Variants in TRAIP observed in about 807,000 individuals in gnomAD.
TRAIP encodes the protein E3 ubiquitin-protein ligase TRAIP.
A neutral mutation model predicts 65.0 loss-of-function variants in TRAIP; 37 were observed. The observed-to-expected ratio is 0.57, with a 90% CI of 0.44 to 0.75. The LOEUF is 0.75. TRAIP is among the 30% of genes least tolerant of loss of function. The probability of loss-of-function intolerance (pLI) is 0.00; values close to 1 mark genes in which losing one functional copy is unlikely to be tolerated. For synonymous variants in TRAIP, 187 were observed against 219.1 expected, an observed-to-expected ratio of 0.85 and a Z score of 1.29; for missense variants, 481 against 579.4, an observed-to-expected ratio of 0.83 and a Z score of 1.74.
At chr3:49,839,020 C>T (rs887838207) in intron 10 of TRAIP, among the ~76,000 whole-genome samples, 1 of 150,868 alleles carries the variant, frequency 6.6e-6, no homozygotes, top group African/African-American at 2.4e-5. Context: ...GAAACCCCGT[C>T]TCTACTAAAA....
At position 49,842,330 on chromosome 3, in the gene TRAIP, T is replaced by C. The variant is rs149212560; in HGVS notation, c.503+123A>G. On this transcript the variant is annotated intron_variant, in intron 6 of 14. Coordinates refer to ENST00000331456, the MANE Select transcript of TRAIP (RefSeq NM_005879.3). ...ACACCCAGCTGACCTGAGCCCTCCA[T>C]GGCCTATGGAGATTTGAGCCTCGGA... 914 of 929,918 alleles carry C rather than the reference T, an allele frequency of 9.8e-4. 2 individuals are homozygous for C. Among genetic ancestry groups the C allele is most frequent in the Non-Finnish European group, 1.4e-3 (832 of 589,622 alleles). The allele number at this position is 929,918 out of a possible 1,614,324, so 57.6% of individuals were successfully genotyped here. A position where few individuals can be genotyped will look rare whatever the true frequency, so the allele number is the denominator to read the frequency against.
chr3:49,849,273 G>A (rs906543133), intron 1 of TRAIP, among the ~76,000 whole-genome samples: 2 of 151,508 alleles, frequency 1.3e-5, no homozygotes, highest in Admixed American at 6.6e-5. Flanking sequence ...GCCTCCCAAA[G>A]TGCTGGAACT....
chr3:49,852,620 T>C lies in TRAIP; in HGVS notation c.98+3736A>G, dbSNP rs376708211. On this transcript the variant is annotated intron_variant, in intron 1 of 14. Transcript: ENST00000331456. ...AATACAAAAAATTAGCTGGGCATGG[T>C]GGCAGGCGCCTGTAGTCCCAGCTAC... 1.2e-4 allele frequency among the ~76,000 whole-genome samples: 18 copies of C among 151,674 alleles called. No homozygotes were observed. In the East Asian group the frequency reaches 2.5e-3, roughly 21 times the overall value.
chr3:49,840,223 C>T, intron 9 of TRAIP, 61 bp downstream of exon 9: 1 of 1,462,922 alleles, frequency 6.8e-7, no homozygotes, highest in Non-Finnish European at 9.6e-7. Context: ...ATAGCCCAGC[C>T]CTGCTCTGGG....
intron 1 of TRAIP, among the ~76,000 whole-genome samples, chr3:49,849,228 C>G (rs943147049): frequency 5.3e-5 from 8 of 151,538 alleles, no homozygotes; most frequent in African/African-American, 1.7e-4. Flanking sequence ...CCAAGCTGGT[C>G]TCAACTCCTG....
chr3:49,830,141 G>A (rs1012719342), intron 11 of TRAIP, 73 bp from the exon 12 acceptor site: 7 of 1,521,944 alleles, frequency 4.6e-6, no homozygotes, highest in African/African-American at 1.4e-5. Context: ...CTCAGCACAC[G>A]CCCCTTGGGG....
rs142180603 is a variant in TRAIP, at chr3:49,838,948, T to C, written c.884+824A>G. On this transcript the variant is annotated intron_variant, in intron 10 of 14. Transcript: ENST00000331456. ...GCTCACGCCTGTAATCCCAGCACAT[T>C]GGGAGGCCGAGGCAGGTGGCTCACG... Among the ~76,000 whole-genome samples the C allele has an allele frequency of 3.3e-3, 494 of 149,594 alleles. 4 individuals carry two copies. The highest frequency in any genetic ancestry group is 0.012 in the African/African-American group (471 of 40,492).
At chr3:49,851,616 T>C (rs903609790) in intron 1 of TRAIP, among the ~76,000 whole-genome samples, 6 of 151,952 alleles carry the variant, frequency 3.9e-5, no homozygotes, top group South Asian at 2.1e-4. Context: ...AGACTGGTCT[T>C]GGACCCCTGG....
intron 3 of TRAIP, among the ~76,000 whole-genome samples, chr3:49,845,180 G>A (rs1416907617): frequency 6.6e-6 from 1 of 152,178 alleles, no homozygotes; most frequent in Non-Finnish European, 1.5e-5. Context: ...AGACTATTGT[G>A]AGGATCAAGT....
At chr3:49,852,987 T>A (rs1462539001) in intron 1 of TRAIP, among the ~76,000 whole-genome samples, 1 of 151,094 alleles carries the variant, frequency 6.6e-6, no homozygotes, top group African/African-American at 2.4e-5. Flanking sequence ...CCGGGCATGA[T>A]GACACGTGCC....
chr3:49,830,157 C>T (rs1045509537), intron 11 of TRAIP, 89 bp from the exon 12 acceptor site: 1 of 1,390,496 alleles, frequency 7.2e-7, no homozygotes, highest in Admixed American at 1.7e-5. Flanking sequence ...TGGGGAGTTA[C>T]CATGTGGCAC....
chr3:49,845,181 AG>A (rs2081871568), intron 3 of TRAIP, among the ~76,000 whole-genome samples: 1 of 152,202 alleles, frequency 6.6e-6, no homozygotes, highest in East Asian at 1.9e-4. Context: ...GACTATTGTG[AG>A]GATCAAGTGA....
intron 11 of TRAIP, 99 bp from the exon 12 acceptor site, chr3:49,830,167 C>A: frequency 7.6e-7 from 1 of 1,316,902 alleles, no homozygotes; most frequent in South Asian, 1.2e-5. Context: ...CCATGTGGCA[C>A]TGCTGCTGCC....
intron 10 of TRAIP, among the ~76,000 whole-genome samples, chr3:49,834,034 C>T (rs1469133475): frequency 1.3e-5 from 2 of 152,150 alleles, no homozygotes; most frequent in African/African-American, 4.8e-5. Flanking sequence ...CCAGGCAAGA[C>T]ACTCAAAGCT....
chr3:49,829,587 G>A, intron 13 of TRAIP, 30 bp downstream of exon 13: 1 of 1,614,188 alleles, frequency 6.2e-7, no homozygotes, highest in Non-Finnish European at 8.5e-7. Flanking sequence ...AAGAGGGCTG[G>A]CTCCTGCCAC....
At position 49,856,553 on chromosome 3, in the gene TRAIP, G is replaced by A. The variant is rs1354428238; in HGVS notation, c.-100C>T. The A allele has an allele frequency of 4.8e-5, 48 of 998,342 alleles. No individual in the cohort carries two copies. The highest frequency in any genetic ancestry group is 2.7e-5 in the East Asian group (1 of 37,004). The allele number at this position is 998,342 out of a possible 1,614,324, so 61.8% of individuals were successfully genotyped here. A position where few individuals can be genotyped will look rare whatever the true frequency, so the allele number is the denominator to read the frequency against. On this transcript the variant is annotated 5_prime_UTR_variant, in exon 1 of 15. Coordinates refer to ENST00000331456, the MANE Select transcript of TRAIP (RefSeq NM_005879.3). ...CTCCGCTTGCTTCAAATTTGGCTCC[G>A]CAGCACGACTTCCTGGAGCGGGCCG...
At chr3:49,844,717 C>G in intron 3 of TRAIP, 137 bp from the exon 4 acceptor site, 1 of 878,342 alleles carries the variant, frequency 1.1e-6, no homozygotes, top group Non-Finnish European at 1.8e-6. Flanking sequence ...GCCTCAAGGC[C>G]AAGCTAAGCT....
At chr3:49,846,533 G>A (rs546858991) in intron 3 of TRAIP, among the ~76,000 whole-genome samples, 18 of 152,314 alleles carry the variant, frequency 1.2e-4, no homozygotes, top group African/African-American at 4.1e-4. Context: ...AAGACCGCAG[G>A]AGAGAATTCA....
At chr3:49,847,084 G>A (rs2108319025) in intron 3 of TRAIP, among the ~76,000 whole-genome samples, 1 of 152,076 alleles carries the variant, frequency 6.6e-6, no homozygotes, top group Admixed American at 6.6e-5. Flanking sequence ...GGAGGCTGAA[G>A]CAGGAGAATT....
Sources: gnomAD v4.1 joint callset for allele counts (sites outside exome capture counted in the v4.1 genomes callset) on GRCh38, gnomAD v4.1.1 for gene constraint, MANE v1.5 for transcripts, NCBI Gene and HGNC (gene_info 2026-07-23, HGNC 2026-07-21) for gene names.